Variants in ANKIB1 observed in about 807,000 individuals in gnomAD.
ANKIB1 encodes the protein ankyrin repeat and IBR domain containing 1.
In ANKIB1, 43 loss-of-function variants were observed where a neutral mutation model predicts 122.1. That is an observed-to-expected ratio of 0.35 (90% CI 0.28 to 0.45). ANKIB1 has a LOEUF of 0.45. Among genes scored for constraint, ANKIB1 ranks in the 20% least tolerant of loss-of-function variants. The probability of loss-of-function intolerance (pLI) is 1.00; values close to 1 mark genes in which losing one functional copy is unlikely to be tolerated. For missense variants in ANKIB1, 992 were observed against 1,329.5 expected (o/e 0.75, Z 3.95); for synonymous variants, 390 against 442.0 (o/e 0.88, Z 1.48).
chr7:92,305,290 C>G (rs1469172029), intron 2 of ANKIB1, among the ~76,000 whole-genome samples: 1 of 152,194 alleles, frequency 6.6e-6, no homozygotes, highest in African/African-American at 2.4e-5. Flanking sequence ...TAGAACCTAG[C>G]AGTCTGGGAC....
At chr7:92,362,154 A>G in intron 9 of ANKIB1, 31 bp from the exon 10 acceptor site, 3 of 1,553,652 alleles carry the variant, frequency 1.9e-6, no homozygotes, top group Non-Finnish European at 2.6e-6. Flanking sequence ...GAATATTTTA[A>G]AATTGTCTTT....
intron 5 of ANKIB1, among the ~76,000 whole-genome samples, chr7:92,340,366 C>T (rs1312348492): frequency 6.6e-6 from 1 of 152,138 alleles, no homozygotes; most frequent in African/African-American, 2.4e-5. Flanking sequence ...GGCACTTGTT[C>T]AAATCTAGAC....
chr7:92,378,101 T>A (rs978346579), intron 11 of ANKIB1, among the ~76,000 whole-genome samples: 2 of 152,182 alleles, frequency 1.3e-5, no homozygotes, highest in African/African-American at 4.8e-5. Context: ...TCTACAGATA[T>A]TAGCAAACAT....
At chr7:92,350,551 A>G (rs1803639012) in intron 7 of ANKIB1, among the ~76,000 whole-genome samples, 2 of 152,186 alleles carry the variant, frequency 1.3e-5, no homozygotes, top group South Asian at 2.1e-4. Flanking sequence ...ACACTCTGAC[A>G]AAAAGTTCAG....
chr7:92,293,738 T>C (rs1802295897), intron 1 of ANKIB1, among the ~76,000 whole-genome samples: 1 of 152,362 alleles, frequency 6.6e-6, no homozygotes, highest in East Asian at 1.9e-4. Flanking sequence ...TTTTATCTCT[T>C]GTTAATCTAA....
At chr7:92,325,976 A>C (rs1803020289) in intron 4 of ANKIB1, 1 of 447,424 alleles carries the variant, frequency 2.2e-6, no homozygotes, top group Non-Finnish European at 4.5e-6. Context: ...CTGAAAATGG[A>C]AGCAGTTTAT....
intron 11 of ANKIB1, among the ~76,000 whole-genome samples, chr7:92,378,663 T>G (rs1272348565): frequency 1.3e-5 from 2 of 152,156 alleles, no homozygotes; most frequent in African/African-American, 4.8e-5. Context: ...ATCACTAGTA[T>G]TATTAACATT....
At chr7:92,306,672 T>G (rs768303068) in intron 2 of ANKIB1, among the ~76,000 whole-genome samples, 1 of 152,160 alleles carries the variant, frequency 6.6e-6, no homozygotes, top group Non-Finnish European at 1.5e-5. Flanking sequence ...GGCACCTTAA[T>G]CTTGGACTTA....
At chr7:92,283,297 G>A (rs1014709651) in intron 1 of ANKIB1, among the ~76,000 whole-genome samples, 3 of 151,960 alleles carry the variant, frequency 2.0e-5, no homozygotes, top group Non-Finnish European at 4.4e-5. Context: ...TTGCTTTCTC[G>A]GTTAAAATAT....
intron 3 of ANKIB1, among the ~76,000 whole-genome samples, chr7:92,311,726 A>C (rs200376491): frequency 0.029 from 3,584 of 122,248 alleles, 94 homozygotes; most frequent in Admixed American, 0.067. Flanking sequence ...CGCCCCCCCC[A>C]CACACACACA....
chr7:92,385,463 A>G (rs1804616173), intron 11 of ANKIB1, among the ~76,000 whole-genome samples: 1 of 152,264 alleles, frequency 6.6e-6, no homozygotes. Context: ...TCACAATAGC[A>G]AAAACTTGGA....
At chr7:92,391,497 T>A (rs1426656187) in intron 16 of ANKIB1, among the ~76,000 whole-genome samples, 153 bp downstream of exon 16, 1 of 111,638 alleles carries the variant, frequency 9.0e-6, no homozygotes, top group Non-Finnish European at 1.8e-5. Context: ...TTTTGGTGAT[T>A]TTTTTTTTCC....
At chr7:92,349,066 T>C (rs1392849533) in intron 7 of ANKIB1, among the ~76,000 whole-genome samples, 3 of 152,146 alleles carry the variant, frequency 2.0e-5, no homozygotes, top group African/African-American at 7.2e-5. Flanking sequence ...AAGAGAGTCA[T>C]GTGGTTAGTA....
chr7:92,349,577 T>C (rs773234906), intron 7 of ANKIB1, among the ~76,000 whole-genome samples: 1 of 152,210 alleles, frequency 6.6e-6, no homozygotes, highest in Non-Finnish European at 1.5e-5. Flanking sequence ...ATTTATTTTC[T>C]CTAGATTTAA....
At chr7:92,313,025 A>G (rs17757278) in intron 3 of ANKIB1, among the ~76,000 whole-genome samples, 3,416 of 152,226 alleles carry the variant, frequency 0.022, 66 homozygotes, top group Non-Finnish European at 0.034. Context: ...ATTAGGCCTC[A>G]TTATGTTTCC....
chr7:92,276,560 C>T (rs1450666712), intron 1 of ANKIB1, among the ~76,000 whole-genome samples: 1 of 152,236 alleles, frequency 6.6e-6, no homozygotes, highest in Non-Finnish European at 1.5e-5. Flanking sequence ...GGTCCACTCC[C>T]TTGGCATTTA....
intron 1 of ANKIB1, among the ~76,000 whole-genome samples, chr7:92,264,365 C>G (rs1310792402): frequency 1.3e-5 from 2 of 151,732 alleles, no homozygotes; most frequent in Non-Finnish European, 2.9e-5. Context: ...AGAATATTTT[C>G]AGGAATCAAT....
chr7:92,264,562 T>C (rs957261569), intron 1 of ANKIB1, among the ~76,000 whole-genome samples: 33 of 148,586 alleles, frequency 2.2e-4, no homozygotes, highest in Admixed American at 1.3e-3. Flanking sequence ...CACGCTTGAC[T>C]AATTTTTTTT....
chr7:92,280,621 G>A (rs1193111208), intron 1 of ANKIB1, among the ~76,000 whole-genome samples: 1 of 151,962 alleles, frequency 6.6e-6, no homozygotes, highest in Admixed American at 6.6e-5. Flanking sequence ...TCCTATCTCA[G>A]GAAAGAACAA....
Sources: allele counts gnomAD v4.1 joint callset (sites outside exome capture counted in the v4.1 genomes callset), GRCh38; gene constraint gnomAD v4.1.1; transcripts MANE v1.5; gene names NCBI Gene and HGNC (gene_info 2026-07-23, HGNC 2026-07-21).